CLIC4: variants seen among roughly 807,000 people sequenced by gnomAD.
The protein encoded by CLIC4 is chloride intracellular channel protein 4.
CLIC4 carries 13 observed loss-of-function variants against 24.6 expected under a neutral mutation model. The ratio of observed to expected loss-of-function variants is 0.53; its 90% confidence interval spans 0.34 to 0.84. The LOEUF (loss-of-function observed/expected upper bound fraction) is 0.84. Among genes scored for constraint, CLIC4 ranks in the 40% least tolerant of loss-of-function variants. CLIC4 has a pLI of 0.01. For synonymous variants in CLIC4, 104 were observed against 111.3 expected (o/e 0.93, Z 0.41); for missense variants, 227 against 301.7 (o/e 0.75, Z 1.83).
rs555123598 is a variant in CLIC4, at chr1:24,789,044, T to A, written c.73-8698T>A. ...TTTAACCAATCTTTTACTGATGGGC[T>A]TCGGTGGTCTCTAGTGTTTTGCTGT... On this transcript the variant is annotated intron_variant, in intron 1 of 5. Coordinates refer to ENST00000374379, the MANE Select transcript of CLIC4 (RefSeq NM_013943.3). Among the ~76,000 whole-genome samples, 6 of 152,358 alleles carry A rather than the reference T, an allele frequency of 3.9e-5. No individual in the cohort carries two copies. In the South Asian group the frequency reaches 1.2e-3, roughly 32 times the overall value.
intron 1 of CLIC4, among the ~76,000 whole-genome samples, chr1:24,747,273 C>G (rs139395716): frequency 6.6e-6 from 1 of 151,462 alleles, no homozygotes; most frequent in Non-Finnish European, 1.5e-5. Flanking sequence ...CGGTGGCTCA[C>G]GCCTGTAATC....
Position 24,841,625 on chromosome 1 carries a change from G to A in CLIC4, c.*688G>A, listed in dbSNP as rs893427501. ...CCATGTAGAAGCTAAAAGTTTAGAG[G>A]GAGTGAGGGTTTTCTCAAGACCTTC... On this transcript the variant is annotated 3_prime_UTR_variant, in exon 6 of 6. Transcript: ENST00000374379. 6.6e-6 allele frequency: 1 copy of A among 152,106 alleles called. No individual in the cohort carries two copies. The highest frequency in any genetic ancestry group is 2.4e-5 in the African/African-American group (1 of 41,414). The allele number at this position is 152,106 out of a possible 1,614,324, so 9.4% of individuals were successfully genotyped here.
At chr1:24,796,593 C>T (rs1639405494) in intron 1 of CLIC4, among the ~76,000 whole-genome samples, 1 of 152,168 alleles carries the variant, frequency 6.6e-6, no homozygotes, top group Admixed American at 6.5e-5. Context: ...CAGTAACATG[C>T]TGTACAGGTT....
At chr1:24,816,234 G>GTT (rs71752506) in intron 3 of CLIC4, among the ~76,000 whole-genome samples, 21,695 of 61,876 alleles carry the variant, frequency 0.35, 3,360 homozygotes, top group East Asian at 0.48. Flanking sequence ...GAATGTTCGT[G>GTT]TTTTTTTTTT....
chr1:24,815,806 C>T (rs906425733), intron 3 of CLIC4, among the ~76,000 whole-genome samples: 2 of 152,158 alleles, frequency 1.3e-5, no homozygotes, highest in East Asian at 1.9e-4. Context: ...AGAACATGCA[C>T]CCCTGTTTGA....
At chr1:24,812,645 A>G (rs1234970479) in intron 2 of CLIC4, among the ~76,000 whole-genome samples, 1 of 152,184 alleles carries the variant, frequency 6.6e-6, no homozygotes, top group Non-Finnish European at 1.5e-5. Context: ...TTTTCTTACC[A>G]TAAATTATGT....
chr1:24,765,622 C>T (rs1232794043), intron 1 of CLIC4, among the ~76,000 whole-genome samples: 1 of 152,140 alleles, frequency 6.6e-6, no homozygotes, highest in Non-Finnish European at 1.5e-5. Flanking sequence ...GTGTTGAGAG[C>T]AGCTATTGTC....
At chr1:24,831,400 A>C (rs1557815394) in intron 4 of CLIC4, among the ~76,000 whole-genome samples, 1 of 152,108 alleles carries the variant, frequency 6.6e-6, no homozygotes, top group Non-Finnish European at 1.5e-5. Flanking sequence ...TAAATTTAGG[A>C]TATTTGATTT....
At chr1:24,785,788 G>A (rs577714425) in intron 1 of CLIC4, among the ~76,000 whole-genome samples, 1 of 144,148 alleles carries the variant, frequency 6.9e-6, no homozygotes, top group Admixed American at 7.2e-5. Flanking sequence ...GGAGTCAGAG[G>A]TTGCACTGAG....
intron 1 of CLIC4, among the ~76,000 whole-genome samples, chr1:24,784,831 C>T (rs1001955691): frequency 6.6e-6 from 1 of 151,788 alleles, no homozygotes; most frequent in Non-Finnish European, 1.5e-5. Flanking sequence ...TGGTGAAACC[C>T]CATCTCTATT....
At chr1:24,799,715 C>G (rs1224669697) in intron 2 of CLIC4, among the ~76,000 whole-genome samples, 1 of 136,946 alleles carries the variant, frequency 7.3e-6, no homozygotes, top group Non-Finnish European at 1.6e-5. Flanking sequence ...GTCAGCCCCC[C>G]GCCCGGCCAG....
At chr1:24,792,051 TAA>T (rs61493384) in intron 1 of CLIC4, among the ~76,000 whole-genome samples, 121,271 of 129,788 alleles carry the variant, frequency 0.93, 57,026 homozygotes, top group East Asian at 0.99. Context: ...TCCACCTAAT[TAA>T]AAAAAAAAAA....
At chr1:24,809,600 A>G (rs1479955299) in intron 2 of CLIC4, among the ~76,000 whole-genome samples, 1 of 152,140 alleles carries the variant, frequency 6.6e-6, no homozygotes, top group African/African-American at 2.4e-5. Context: ...AGCTGGGACT[A>G]TAGGCATGCA....
intron 1 of CLIC4, among the ~76,000 whole-genome samples, chr1:24,769,701 T>G (rs1188705739): frequency 6.6e-6 from 1 of 152,216 alleles, no homozygotes; most frequent in Non-Finnish European, 1.5e-5. Flanking sequence ...GATGGTTCAT[T>G]AGATGACTTT....
At chr1:24,794,726 GT>G (rs1420222950) in intron 1 of CLIC4, among the ~76,000 whole-genome samples, 29 of 152,036 alleles carry the variant, frequency 1.9e-4, no homozygotes, top group Non-Finnish European at 4.3e-4. Context: ...GTCAACTTTC[GT>G]TGCAATTGTT....
intron 1 of CLIC4, among the ~76,000 whole-genome samples, chr1:24,767,346 T>C (rs1639014597): frequency 6.6e-6 from 1 of 152,220 alleles, no homozygotes; most frequent in African/African-American, 2.4e-5. Context: ...GTAAGCCTTG[T>C]TTGCTTACTA....
intron 4 of CLIC4, 66 bp from the exon 5 acceptor site, chr1:24,839,794 T>G: frequency 7.2e-7 from 1 of 1,380,948 alleles, no homozygotes; most frequent in Non-Finnish European, 1.0e-6. Flanking sequence ...AAGAGTCTGC[T>G]TCTCCTTGGG....
chr1:24,759,340 A>G (rs1013261414), intron 1 of CLIC4, among the ~76,000 whole-genome samples: 1 of 152,210 alleles, frequency 6.6e-6, no homozygotes, highest in African/African-American at 2.4e-5. Context: ...GGAGAGGTAA[A>G]GGAGTAAGAA....
chr1:24,770,839 G>T (rs191140143), intron 1 of CLIC4, among the ~76,000 whole-genome samples: 17 of 152,104 alleles, frequency 1.1e-4, no homozygotes, highest in African/African-American at 3.9e-4. Context: ...GTTTTACTTA[G>T]TATTTTCTTG....
Sources: gnomAD v4.1 joint callset for allele counts (sites outside exome capture counted in the v4.1 genomes callset) on GRCh38, gnomAD v4.1.1 for gene constraint, MANE v1.5 for transcripts, NCBI Gene and HGNC (gene_info 2026-07-23, HGNC 2026-07-21) for gene names.